PPM1N: variants seen among roughly 807,000 people sequenced by gnomAD.
PPM1N encodes the protein probable protein phosphatase 1N.
A neutral mutation model predicts 32.6 loss-of-function variants in PPM1N; 35 were observed. The observed-to-expected ratio is 1.07, with a 90% confidence interval of 0.82 to 1.43. The LOEUF is 1.43. Ranked by LOEUF, PPM1N falls within the 40% of genes most tolerant of loss-of-function variation. PPM1N has a pLI of 0.00. For synonymous variants in PPM1N, 275 were observed against 270.5 expected (o/e 1.02, Z -0.16); for missense variants, 648 against 606.6 (o/e 1.07, Z -0.72).
intron 1 of PPM1N, 144 bp from the exon 2 acceptor site, chr19:45,499,805 C>A: frequency 6.7e-7 from 1 of 1,496,594 alleles, no homozygotes; most frequent in Non-Finnish European, 8.9e-7. Context: ...GGTTTGGTCC[C>A]AGTAAGAGAG....
chr19:45,498,662 GGCCTGCGCTTCGGGGCGAGCGCAGC>G lies in PPM1N; in HGVS notation c.193_217del (p.Leu65LysfsTer73). ...GCACGGGGGTGCCGAGGCGTCTGGG[GGCCTGCGCTTCGGGGCGAGCGCAGC>G]GCAAGGCTGGCGCGCGCGCATGGAG... On this transcript the variant is annotated frameshift_variant, in exon 1 of 5. Transcript: ENST00000451287. LOFTEE classifies it high-confidence loss of function. The G allele has an allele frequency of 1.4e-6, 2 of 1,434,926 alleles. No homozygotes were observed. The highest frequency in any genetic ancestry group is 2.9e-5 in the South Asian group (2 of 68,196). The allele number at this position is 1,434,926 out of a possible 1,614,324, so 88.9% of individuals were successfully genotyped here.
At chr19:45,500,761 GC>G in intron 4 of PPM1N, 51 bp downstream of exon 4, 1 of 1,211,700 alleles carries the variant, frequency 8.3e-7, no homozygotes, top group Non-Finnish European at 1.1e-6. Context: ...ACGCCCCCCC[GC>G]CCACCCCTCT....
intron 4 of PPM1N, 63 bp from the exon 5 acceptor site, chr19:45,501,954 G>GC: frequency 8.8e-7 from 1 of 1,140,192 alleles, no homozygotes; most frequent in South Asian, 1.8e-5. Context: ...CAAAGGAAAA[G>GC]GAAGAGGTGC....
At chr19:45,501,235 C>G (rs564726281) in intron 4 of PPM1N, among the ~76,000 whole-genome samples, 1 of 152,230 alleles carries the variant, frequency 6.6e-6, no homozygotes. Flanking sequence ...CCTAGACGCA[C>G]AGCAGATACC....
intron 4 of PPM1N, among the ~76,000 whole-genome samples, chr19:45,500,971 C>T (rs1029970298): frequency 6.6e-6 from 1 of 151,908 alleles, no homozygotes; most frequent in Non-Finnish European, 1.5e-5. Context: ...CTGCTTTGGC[C>T]TCCCAAAGTG....
intron 2 of PPM1N, 83 bp from the exon 3 acceptor site, chr19:45,500,373 G>A (rs1968392584): frequency 1.6e-6 from 2 of 1,262,194 alleles, no homozygotes; most frequent in Non-Finnish European, 2.2e-6. Flanking sequence ...GGCCTCAAGT[G>A]ATCCGCCCGC....
rs775522957 is a variant in PPM1N at position 45,500,472 on chromosome 19, T to C, written c.1074T>C (p.Ala358=). ...CTTTCTCAGAACTGTGTGCCTCTGC[T>C]CAGAAGCCCCCCAGCCTGAACACAG... The part of the protein sequence containing the change: ...GCRIAELCAS[A]QKPPSLNTVF... The change falls in exon 3 of 5, where the codon GCT becomes GCC. Residue 358 remains alanine (A), a synonymous_variant. Coordinates refer to ENST00000451287, the MANE Select transcript of PPM1N (RefSeq NM_001080401.2). 3.7e-6 allele frequency: 6 copies of C among 1,608,990 alleles called. No homozygotes were observed. In the South Asian group the frequency reaches 6.7e-5, roughly 18 times the overall value.
At chr19:45,499,650 C>A (rs763038636) in intron 1 of PPM1N, 1 of 1,548,264 alleles carries the variant, frequency 6.5e-7, no homozygotes, top group South Asian at 1.2e-5. Flanking sequence ...AGGGCGTGGT[C>A]TTTTGGAAAG....
chr19:45,501,330 T>C (rs1327890522), intron 4 of PPM1N, among the ~76,000 whole-genome samples: 1 of 152,140 alleles, frequency 6.6e-6, no homozygotes, highest in African/African-American at 2.4e-5. Context: ...TTTGGAGATA[T>C]CCAAAGATGT....
At position 45,500,382 on chromosome 19, in the gene PPM1N, G is replaced by A. The variant is rs1056310933; in HGVS notation, c.1058-74G>A. On this transcript the variant is annotated intron_variant, in intron 2 of 4. Coordinates refer to ENST00000451287, the MANE Select transcript of PPM1N (RefSeq NM_001080401.2). ...ACCCCTGGCCTCAAGTGATCCGCCC[G>A]CCTTGGTCTCCCAAAGTGCTGGGAT... 2.2e-5 allele frequency: 30 copies of A among 1,347,480 alleles called. No individual in the cohort carries two copies. The Admixed American group carries it at 4.6e-4, about 21-fold the overall frequency. The allele number at this position is 1,347,480 out of a possible 1,614,324, so 83.5% of individuals were successfully genotyped here. A position where few individuals can be genotyped will look rare whatever the true frequency, so the allele number is the denominator to read the frequency against.
At chr19:45,501,400 G>C (rs968833616) in intron 4 of PPM1N, among the ~76,000 whole-genome samples, 1 of 152,228 alleles carries the variant, frequency 6.6e-6, no homozygotes, top group Admixed American at 6.5e-5. Flanking sequence ...AGGAAGCTGG[G>C]TTTAGAGCCC....
At position 45,502,320 on chromosome 19, in the gene PPM1N, A is replaced by AAC; in HGVS notation, c.*236_*237insCA. Reference sequence around the variant, plus strand: ...AAAAGCCCAAATCGAAAAAAAAAAAAAAAAAAAAAAAAAACAAAAAAACCC... The same window carrying AAC: ...AAAAGCCCAAATCGAAAAAAAAAAAAACAAAAAAAAAAAAAACAAAAAAACCC... On this transcript the variant is annotated 3_prime_UTR_variant, in exon 5 of 5. Transcript: ENST00000451287. 1.9e-6 allele frequency: 1 copy of AAC among 536,070 alleles called. No individual in the cohort carries two copies. Among genetic ancestry groups the AAC allele is most frequent in the Non-Finnish European group, 3.2e-6 (1 of 309,990 alleles). The allele number at this position is 536,070 out of a possible 1,614,324, so 33.2% of individuals were successfully genotyped here.
Position 45,500,472 on chromosome 19 carries a change from T to G in PPM1N, c.1074T>G (p.Ala358=), listed in dbSNP as rs775522957. 1 of 1,609,108 alleles carries G rather than the reference T, an allele frequency of 6.2e-7. No homozygotes were observed. Among genetic ancestry groups the G allele is most frequent in the Admixed American group, 1.7e-5 (1 of 59,384 alleles). ...GCRIAELCAS[A]QKPPSLNTVF... is the part of the protein sequence containing the mutation. The stretch of plus-strand genomic sequence containing the variant: ...CTTTCTCAGAACTGTGTGCCTCTGC[T>G]CAGAAGCCCCCCAGCCTGAACACAG... Residue 358 remains alanine, a synonymous_variant, in exon 3 of 5, where the codon GCT becomes GCG. Coordinates refer to ENST00000451287, the MANE Select transcript of PPM1N (RefSeq NM_001080401.2).
In PPM1N at chr19:45,498,726, C is replaced by T. The variant is rs1214712324; in HGVS notation, c.254C>T (p.Thr85Ile). The change falls in exon 1 of 5, where the codon ACT becomes ATT. Residue 85 changes from threonine (T) to isoleucine (I), a missense_variant. Transcript: ENST00000451287. Reference sequence around the variant, plus strand: ...GCGCGCATGGAGGATGCTCACTGCACTTGGCTTTCGTTACCTGGTCTGCCC... The same window carrying T: ...GCGCGCATGGAGGATGCTCACTGCATTTGGCTTTCGTTACCTGGTCTGCCC... ...WRARMEDAHCTWLSLPGLPPG... is the reference protein window; with the variant it reads ...WRARMEDAHCIWLSLPGLPPG... 2 of 1,547,416 alleles carry T rather than the reference C, an allele frequency of 1.3e-6. No individual in the cohort carries two copies. Among genetic ancestry groups the T allele is most frequent in the Admixed American group, 2.0e-5 (1 of 50,718 alleles).
rs755722838 is a variant in PPM1N at position 45,500,632 on chromosome 19, C to T, written c.1164-18C>T. On this transcript the variant is annotated intron_variant, in intron 3 of 4. Coordinates refer to ENST00000451287, the MANE Select transcript of PPM1N (RefSeq NM_001080401.2). Reference sequence around the variant, plus strand: ...AAGGAGGAGAGTCCCCTCCTGAGGGCCTTCCTGTGCTCTCCAGGGCCACTG... The same window carrying T: ...AAGGAGGAGAGTCCCCTCCTGAGGGTCTTCCTGTGCTCTCCAGGGCCACTG... 1.9e-6 allele frequency: 3 copies of T among 1,597,978 alleles called. No homozygotes were observed. Among genetic ancestry groups the T allele is most frequent in the African/African-American group, 1.3e-5 (1 of 74,640 alleles).
chr19:45,502,134 A>T lies in PPM1N; in HGVS notation c.*49A>T, dbSNP rs376091051. On this transcript the variant is annotated 3_prime_UTR_variant, in exon 5 of 5. Coordinates refer to ENST00000451287, the MANE Select transcript of PPM1N (RefSeq NM_001080401.2). ...TTTGCTTCTCTGGGGCCTCAACAGA[A>T]CTAAAGAAGAAAACCGACCCTTTCC... 2.1e-6 allele frequency: 3 copies of T among 1,455,198 alleles called. No homozygotes were observed. The highest frequency in any genetic ancestry group is 2.9e-6 in the Non-Finnish European group (3 of 1,048,802). The allele number at this position is 1,455,198 out of a possible 1,614,324, so 90.1% of individuals were successfully genotyped here. A position where few individuals can be genotyped will look rare whatever the true frequency, so the allele number is the denominator to read the frequency against.
chr19:45,499,991 GGGGCCCCT>G lies in PPM1N; in HGVS notation c.983_990del (p.Gly328GlufsTer4). The G allele has an allele frequency of 6.2e-7, 1 of 1,603,252 alleles. No homozygotes were observed. ...GACCTGCATCCTGGTCTGCTTCCCTGGGGCCCCTAGGCCTTCTGAGGAGGCGATCAGGA... is the reference window on the plus strand; with the variant it reads ...GACCTGCATCCTGGTCTGCTTCCCTGAGGCCTTCTGAGGAGGCGATCAGGA... On this transcript the variant is annotated frameshift_variant, in exon 2 of 5. Coordinates refer to ENST00000451287, the MANE Select transcript of PPM1N (RefSeq NM_001080401.2). LOFTEE classifies it high-confidence loss of function.
chr19:45,500,367 T>C (rs891869848), intron 2 of PPM1N, 89 bp from the exon 3 acceptor site: 3 of 1,205,028 alleles, frequency 2.5e-6, no homozygotes, highest in Non-Finnish European at 3.5e-6. Context: ...ACCCCTGGCC[T>C]CAAGTGATCC....
intron 1 of PPM1N, 68 bp from the exon 2 acceptor site, chr19:45,499,881 T>G: frequency 6.5e-7 from 1 of 1,532,364 alleles, no homozygotes; most frequent in Non-Finnish European, 8.8e-7. Flanking sequence ...GACTTGAACC[T>G]GGGGATTGTT....
Sources: allele counts gnomAD v4.1 joint callset (sites outside exome capture counted in the v4.1 genomes callset), GRCh38; gene constraint gnomAD v4.1.1; transcripts MANE v1.5; gene names NCBI Gene and HGNC (gene_info 2026-07-23, HGNC 2026-07-21).